KLHL1: variants seen among roughly 807,000 people sequenced by gnomAD.
The protein encoded by KLHL1 is kelch-like protein 1.
Under a neutral mutation model 77.7 loss-of-function variants are expected in KLHL1, and 47 were observed. That is an observed-to-expected ratio of 0.60 (90% confidence interval 0.48 to 0.77). The LOEUF is 0.77. KLHL1 is among the 30% of genes least tolerant of loss of function. KLHL1 has a pLI of 0.00. For missense variants in KLHL1, 925 were observed against 910.8 expected (o/e 1.02, Z -0.20); for synonymous variants, 360 against 325.2 (o/e 1.11, Z -1.15).
At chr13:69,851,594 C>T (rs1265843867) in intron 5 of KLHL1, among the ~76,000 whole-genome samples, 2 of 151,820 alleles carry the variant, frequency 1.3e-5, no homozygotes, top group South Asian at 2.1e-4. Flanking sequence ...ATTTTTGATG[C>T]ATCAATACAA....
At chr13:69,801,512 T>C (rs1192534245) in intron 6 of KLHL1, among the ~76,000 whole-genome samples, 1 of 152,308 alleles carries the variant, frequency 6.6e-6, no homozygotes, top group African/African-American at 2.4e-5. Context: ...TAGGCAATTA[T>C]GTTGTCATTG....
At chr13:69,729,543 G>GA (rs1157216099) in intron 8 of KLHL1, among the ~76,000 whole-genome samples, 3 of 151,886 alleles carry the variant, frequency 2.0e-5, no homozygotes, top group African/African-American at 7.3e-5. Context: ...CAGAGGTGAG[G>GA]AAAAAAACAA....
intron 8 of KLHL1, among the ~76,000 whole-genome samples, chr13:69,735,774 T>C (rs1199731034): frequency 1.3e-5 from 2 of 151,822 alleles, no homozygotes; most frequent in East Asian, 3.9e-4. Context: ...TGTAAATATT[T>C]ATTTACAGGG....
intron 8 of KLHL1, among the ~76,000 whole-genome samples, chr13:69,736,684 ATATATG>A (rs59951451): frequency 0.046 from 7,001 of 150,680 alleles, 492 homozygotes; most frequent in African/African-American, 0.15. Context: ...TGTGAGATAT[ATATATG>A]TATATATATA....
chr13:69,949,246 G>A lies in KLHL1; in HGVS notation c.818-9010C>T, dbSNP rs192336263. On this transcript the variant is annotated intron_variant, in intron 3 of 10. Coordinates refer to ENST00000377844, the MANE Select transcript of KLHL1 (RefSeq NM_020866.3). ...AATGTCCTTTTTCTGTTCCAGGATC[G>A]CATTCAGAATAGTACATCTCATTTA... is the stretch of plus-strand genomic sequence containing the variant. 1.3e-3 allele frequency among the ~76,000 whole-genome samples: 191 copies of A among 149,828 alleles called. 1 individual carries two copies. The highest frequency in any genetic ancestry group is 4.5e-3 in the African/African-American group (183 of 40,784).
chr13:70,011,984 G>A (rs552094422), intron 1 of KLHL1, among the ~76,000 whole-genome samples: 1 of 152,270 alleles, frequency 6.6e-6, no homozygotes, highest in African/African-American at 2.4e-5. Context: ...AGCAGGCAAA[G>A]AGAGAGAGCT....
intron 7 of KLHL1, among the ~76,000 whole-genome samples, chr13:69,788,902 TAATGATATTACAATGGCTATTACAA>T (rs1311623403): frequency 1.3e-5 from 2 of 152,142 alleles, no homozygotes; most frequent in Non-Finnish European, 2.9e-5. Flanking sequence ...TCTATTATTC[TAATGATATTACAATGGCTATTACAA>T]AAATGACAGT....
intron 4 of KLHL1, among the ~76,000 whole-genome samples, chr13:69,903,058 T>A (rs951541752): frequency 1.3e-5 from 2 of 152,112 alleles, no homozygotes; most frequent in African/African-American, 4.8e-5. Context: ...TTATGGAGGA[T>A]CTATTCAAAT....
intron 5 of KLHL1, among the ~76,000 whole-genome samples, chr13:69,863,934 T>C (rs934635109): frequency 3.9e-5 from 6 of 151,928 alleles, no homozygotes; most frequent in African/African-American, 1.5e-4. Flanking sequence ...TTGTACATAA[T>C]AAGCAATTAG....
intron 8 of KLHL1, among the ~76,000 whole-genome samples, chr13:69,735,719 T>C: frequency 6.6e-6 from 1 of 151,596 alleles, no homozygotes; most frequent in East Asian, 1.9e-4. Context: ...GAAGAAAATA[T>C]TAATATTTCA....
At chr13:69,973,228 A>G (rs972125647) in intron 2 of KLHL1, among the ~76,000 whole-genome samples, 2 of 151,986 alleles carry the variant, frequency 1.3e-5, no homozygotes, top group African/African-American at 4.8e-5. Flanking sequence ...ACCAATATCA[A>G]GTTAAAAACA....
At chr13:69,790,696 T>C (rs1437060219) in intron 7 of KLHL1, among the ~76,000 whole-genome samples, 8 of 152,084 alleles carry the variant, frequency 5.3e-5, no homozygotes, top group Admixed American at 3.9e-4. Flanking sequence ...AAGACAAAAA[T>C]CACATGCATA....
chr13:69,872,208 A>C (rs1593906339), intron 5 of KLHL1, among the ~76,000 whole-genome samples: 1 of 152,180 alleles, frequency 6.6e-6, no homozygotes, highest in East Asian at 1.9e-4. Flanking sequence ...GCATGTGCAT[A>C]GATCACATGG....
chr13:70,075,584 T>C (rs1478232492), intron 1 of KLHL1, among the ~76,000 whole-genome samples: 1 of 111,572 alleles, frequency 9.0e-6, no homozygotes, highest in Non-Finnish European at 1.8e-5. Flanking sequence ...TATATATATA[T>C]ATATACACAC....
intron 5 of KLHL1, among the ~76,000 whole-genome samples, chr13:69,859,888 C>A (rs1347873924): frequency 6.6e-6 from 1 of 151,990 alleles, no homozygotes; most frequent in Admixed American, 6.6e-5. Context: ...ACATTGTAAG[C>A]GTACAAAAGC....
intron 5 of KLHL1, among the ~76,000 whole-genome samples, chr13:69,852,506 A>G (rs1406345205): frequency 1.3e-5 from 2 of 151,964 alleles, no homozygotes; most frequent in Non-Finnish European, 2.9e-5. Flanking sequence ...CCTTATTTCA[A>G]TTATCTTTAA....
intron 4 of KLHL1, among the ~76,000 whole-genome samples, chr13:69,925,549 CTG>C (rs1436789445): frequency 6.6e-6 from 1 of 152,044 alleles, no homozygotes; most frequent in Non-Finnish European, 1.5e-5. Flanking sequence ...AACATTGACA[CTG>C]TTGAAGGATT....
Position 69,790,478 on chromosome 13 carries a change from G to C in KLHL1, c.1639+6260C>G, listed in dbSNP as rs887063468. ...CAATATTACCTTGATACCTAAACCAGACAGAGACATGATAACTAACTCTAG... is the reference window on the plus strand; with the variant it reads ...CAATATTACCTTGATACCTAAACCACACAGAGACATGATAACTAACTCTAG... On this transcript the variant is annotated intron_variant, in intron 7 of 10. Transcript: ENST00000377844. 2.0e-5 allele frequency among the ~76,000 whole-genome samples: 3 copies of C among 152,152 alleles called. No individual in the cohort carries two copies. The South Asian group carries it at 6.2e-4, about 32-fold the overall frequency.
At chr13:69,758,184 T>A (rs1874853998) in intron 7 of KLHL1, among the ~76,000 whole-genome samples, 1 of 152,038 alleles carries the variant, frequency 6.6e-6, no homozygotes, top group Admixed American at 6.6e-5. Context: ...TGAACAAAAA[T>A]CTTTCACTAT....
Sources: allele counts gnomAD v4.1 joint callset (sites outside exome capture counted in the v4.1 genomes callset), GRCh38; gene constraint gnomAD v4.1.1; transcripts MANE v1.5; gene names NCBI Gene and HGNC (gene_info 2026-07-23, HGNC 2026-07-21).